Variants in CAPN7 observed in about 807,000 individuals in gnomAD.
The protein encoded by CAPN7 is calpain-7.
A neutral mutation model predicts 115.2 loss-of-function variants in CAPN7; 72 were observed. The observed-to-expected ratio is 0.63, with a 90% CI of 0.52 to 0.76. The LOEUF (loss-of-function observed/expected upper bound fraction) is 0.76. Among genes scored for constraint, CAPN7 ranks in the 30% least tolerant of loss-of-function variants. CAPN7 has a pLI of 0.00. For synonymous variants in CAPN7, 344 were observed against 322.3 expected, an observed-to-expected ratio of 1.07 and a Z score of -0.72; for missense variants, 905 against 971.5, an observed-to-expected ratio of 0.93 and a Z score of 0.91.
Position 15,220,896 on chromosome 3 carries a change from C to T in CAPN7, c.553C>T (p.Leu185Phe), listed in dbSNP as rs893909114. Residue 185 changes from leucine (L) to phenylalanine (F), a missense_variant, in exon 5 of 21, where the codon CTT (leucine) becomes TTT (phenylalanine). Around this residue, in one of 3 missense-constraint regions of CAPN7, gnomAD observed 271 missense variants for 239.6 expected, o/e 1.13. Coordinates refer to ENST00000253693, the MANE Select transcript of CAPN7 (RefSeq NM_014296.3). Reference protein sequence around the residue: ...AHFPLGANPFLERPQSFISPQ... With the variant: ...AHFPLGANPFFERPQSFISPQ... ...TTTTCCACTGGGCGCTAATCCCTTCCTTGAAAGACCTCAGTCATTTATAAG... is the reference window on the plus strand; with the variant it reads ...TTTTCCACTGGGCGCTAATCCCTTCTTTGAAAGACCTCAGTCATTTATAAG... 2 of 1,614,050 alleles carry T rather than the reference C, an allele frequency of 1.2e-6. No homozygotes were observed. The highest frequency in any genetic ancestry group is 2.7e-5 in the African/African-American group (2 of 74,920).
At chr3:15,232,490 C>T (rs199906649) in intron 9 of CAPN7, 29 bp from the exon 10 acceptor site, 301 of 1,569,154 alleles carry the variant, frequency 1.9e-4, no homozygotes, top group Non-Finnish European at 2.5e-4. Flanking sequence ...TTTTGTGCAC[C>T]TAAGAAGGTT....
At chr3:15,220,331 G>T (rs1040727282) in intron 4 of CAPN7, among the ~76,000 whole-genome samples, 5 of 152,216 alleles carry the variant, frequency 3.3e-5, no homozygotes, top group Non-Finnish European at 7.3e-5. Context: ...CAACTCTGCA[G>T]CTCAAGCATC....
In CAPN7 at chr3:15,251,834, C is replaced by CT. The variant is rs369949960; in HGVS notation, c.*578dup. ...GCCCAGGTGTTATGAAAGAATAAAG[C>CT]TTTTAAGTATAGACTACCTTAGCAT... On this transcript the variant is annotated 3_prime_UTR_variant, in exon 21 of 21. Transcript: ENST00000253693. 69 of 152,208 alleles carry CT rather than the reference C, an allele frequency of 4.5e-4. No homozygotes were observed. Among genetic ancestry groups the CT allele is most frequent in the African/African-American group, 1.6e-3 (65 of 41,546 alleles). 9.4% of individuals were successfully genotyped at this position (152,208 alleles called of 1,614,324 possible). A position where few individuals can be genotyped will look rare whatever the true frequency, so the allele number is the denominator to read the frequency against.
At chr3:15,240,321 T>A (rs1310141540) in intron 12 of CAPN7, 152 bp from the exon 13 acceptor site, 1 of 708,406 alleles carries the variant, frequency 1.4e-6, no homozygotes, top group African/African-American at 1.8e-5. Context: ...TTGATCGATG[T>A]ATGACCTGGT....
chr3:15,222,092 A>G (rs957720084), intron 5 of CAPN7, among the ~76,000 whole-genome samples: 3 of 151,572 alleles, frequency 2.0e-5, no homozygotes, highest in Non-Finnish European at 4.4e-5. Context: ...AAAAGAATAT[A>G]TGACAGAAAC....
At chr3:15,220,557 A>G (rs1311563034) in intron 4 of CAPN7, among the ~76,000 whole-genome samples, 1 of 152,194 alleles carries the variant, frequency 6.6e-6, no homozygotes, top group Non-Finnish European at 1.5e-5. Flanking sequence ...ATGGTGTCTG[A>G]TTATGTAAGT....
chr3:15,229,561 C>CTTTTTTTTTTTT lies in CAPN7; in HGVS notation c.938+519_938+530dup, dbSNP rs566957976. Among the ~76,000 whole-genome samples the CTTTTTTTTTTTT allele has an allele frequency of 4.6e-4, 40 of 87,874 alleles. 3 individuals carry two copies. The highest frequency in any genetic ancestry group is 1.4e-3 in the African/African-American group (35 of 24,270). The allele number at this position is 87,874 out of a possible 152,430, so 57.6% of individuals were successfully genotyped here. On this transcript the variant is annotated intron_variant, in intron 8 of 20. Coordinates refer to ENST00000253693, the MANE Select transcript of CAPN7 (RefSeq NM_014296.3). Reference sequence around the variant, plus strand: ...CATCAAAATTGGTTTTACTTTTTTTCTTTTTTTTTTTTTTTTTTTTTTTTT... The same window carrying CTTTTTTTTTTTT: ...CATCAAAATTGGTTTTACTTTTTTTCTTTTTTTTTTTTTTTTTTTTTTTTTTTTTTTTTTTTT...
chr3:15,244,610 A>G (rs994061226), intron 16 of CAPN7, among the ~76,000 whole-genome samples: 3 of 152,238 alleles, frequency 2.0e-5, no homozygotes, highest in African/African-American at 7.2e-5. Flanking sequence ...AGGTCCCATT[A>G]TAAATATTCA....
chr3:15,234,047 G>A, intron 11 of CAPN7, 74 bp downstream of exon 11: 5 of 808,072 alleles, frequency 6.2e-6, no homozygotes, highest in Non-Finnish European at 1.0e-5. Flanking sequence ...TGGGCGTGGT[G>A]GGTCATGCCT....
At chr3:15,222,788 T>C (rs563431653) in intron 5 of CAPN7, among the ~76,000 whole-genome samples, 21 of 152,354 alleles carry the variant, frequency 1.4e-4, no homozygotes, top group African/African-American at 4.8e-4. Context: ...AAAATAAGGC[T>C]GTACATAGTC....
chr3:15,208,387 A>C (rs1261891923), intron 1 of CAPN7, among the ~76,000 whole-genome samples: 2 of 151,746 alleles, frequency 1.3e-5, no homozygotes, highest in African/African-American at 4.8e-5. Flanking sequence ...TGCAAAGCTC[A>C]AGCAATCCTC....
intron 11 of CAPN7, 86 bp from the exon 12 acceptor site, chr3:15,234,939 A>T: frequency 8.2e-7 from 1 of 1,214,912 alleles, no homozygotes; most frequent in East Asian, 2.4e-5. Context: ...TTTTCATGTA[A>T]GCCATTAGAC....
chr3:15,247,263 G>A (rs969253464), intron 18 of CAPN7, 64 bp from the exon 19 acceptor site: 102 of 1,161,114 alleles, frequency 8.8e-5, no homozygotes, highest in Non-Finnish European at 7.5e-5. Context: ...ATGGAAAGGA[G>A]TTTTGTCTTT....
At position 15,206,432 on chromosome 3, in the gene CAPN7, A is replaced by T. The variant is rs1006594642; in HGVS notation, c.-64A>T. 4.3e-5 allele frequency: 54 copies of T among 1,270,042 alleles called. No individual in the cohort carries two copies. Among genetic ancestry groups the T allele is most frequent in the Non-Finnish European group, 5.8e-5 (53 of 910,162 alleles). 78.7% of individuals were successfully genotyped at this position (1,270,042 alleles called of 1,614,324 possible). ...GTCCTCGCCGCCGCCGGGCCGCCGC[A>T]GTCCGCGAAGAGCCGTCCTGCGTCA... is the stretch of plus-strand genomic sequence containing the variant. On this transcript the variant is annotated 5_prime_UTR_variant, in exon 1 of 21. Coordinates refer to ENST00000253693, the MANE Select transcript of CAPN7 (RefSeq NM_014296.3).
At chr3:15,220,255 C>G (rs952237036) in intron 4 of CAPN7, among the ~76,000 whole-genome samples, 18 of 152,034 alleles carry the variant, frequency 1.2e-4, no homozygotes, top group African/African-American at 4.1e-4. Flanking sequence ...TGTGCTGTTT[C>G]ATACTTCTGC....
Position 15,242,992 on chromosome 3 carries a change from T to C in CAPN7, c.1864+739T>C, listed in dbSNP as rs557218646. ...GGGGAGACAGTTAATAAGCAAAATA[T>C]CAAGTACTGATACACGTGTAAAAAA... On this transcript the variant is annotated intron_variant, in intron 16 of 20. Coordinates refer to ENST00000253693, the MANE Select transcript of CAPN7 (RefSeq NM_014296.3). 3.3e-5 allele frequency among the ~76,000 whole-genome samples: 5 copies of C among 152,252 alleles called. No individual in the cohort carries two copies. The South Asian group carries it at 8.3e-4, about 25-fold the overall frequency.
At chr3:15,242,147 T>A (rs758852188) in intron 15 of CAPN7, 31 bp from the exon 16 acceptor site, 1 of 1,479,610 alleles carries the variant, frequency 6.8e-7, no homozygotes, top group Non-Finnish European at 9.3e-7. Context: ...GAACCCATTT[T>A]CTAACCACAT....
chr3:15,247,397 C>G lies in CAPN7; in HGVS notation c.2144C>G (p.Pro715Arg). The change falls in exon 19 of 21, where the codon CCC becomes CGC. Residue 715 changes from proline to arginine, a missense_variant. By Grantham distance (103) the Pro-to-Arg change is moderately radical (BLOSUM62 -2). Around this residue, in one of 3 missense-constraint regions of CAPN7, gnomAD observed 620 missense variants for 703.4 expected, o/e 0.88. Transcript: ENST00000253693. ...GNFQETHKNNPIYQFHIEKTG... is the reference protein window; with the variant it reads ...GNFQETHKNNRIYQFHIEKTG... ...TTCCAAGAGACTCACAAAAATAACC[C>G]CATCTACCAATTCCATATAGAAAAG... The G allele has an allele frequency of 6.2e-7, 1 of 1,611,320 alleles. No individual in the cohort carries two copies. Among genetic ancestry groups the G allele is most frequent in the East Asian group, 2.2e-5 (1 of 44,744 alleles).
At chr3:15,221,560 A>G (rs1016071951) in intron 5 of CAPN7, among the ~76,000 whole-genome samples, 7 of 151,988 alleles carry the variant, frequency 4.6e-5, no homozygotes, top group Non-Finnish European at 1.5e-5. Context: ...AAATCCTAGC[A>G]TTCTGTGAAA....
Sources: gnomAD v4.1 joint callset for allele counts (sites outside exome capture counted in the v4.1 genomes callset) on GRCh38, gnomAD v4.1.1 for gene constraint, gnomAD v4.1.1 regional missense constraint, MANE v1.5 for transcripts, NCBI Gene and HGNC (gene_info 2026-07-23, HGNC 2026-07-21) for gene names.